MORC1: variants seen among roughly 807,000 people sequenced by gnomAD.
MORC1 encodes MORC family CW-type zinc finger protein 1.
Under a neutral mutation model 134.9 loss-of-function variants are expected in MORC1, and 59 were observed. The ratio of observed to expected loss-of-function variants is 0.44; its 90% CI spans 0.35 to 0.54. The LOEUF (loss-of-function observed/expected upper bound fraction) is 0.54, where lower values mean the gene tolerates loss of function less well. Ranked by LOEUF, MORC1 falls within the 20% of genes least tolerant of loss-of-function variation. MORC1 has a pLI of 0.00. For missense variants in MORC1, 947 were observed against 1,134.5 expected, an observed-to-expected ratio of 0.83 and a Z score of 2.37; for synonymous variants, 395 against 391.7, an observed-to-expected ratio of 1.01 and a Z score of -0.10.
intron 8 of MORC1, among the ~76,000 whole-genome samples, chr3:109,091,604 C>G (rs918625011): frequency 6.6e-6 from 1 of 152,064 alleles, no homozygotes; most frequent in East Asian, 1.9e-4. Context: ...GGCACTGCTA[C>G]CCCCGAGGAG....
chr3:109,010,837 C>A (rs1270052744), intron 17 of MORC1, among the ~76,000 whole-genome samples: 1 of 152,140 alleles, frequency 6.6e-6, no homozygotes, highest in African/African-American at 2.4e-5. Flanking sequence ...ATCAAGAGTG[C>A]ACTCCTTCCT....
chr3:109,017,892 A>G (rs757224115), intron 17 of MORC1, among the ~76,000 whole-genome samples: 7 of 152,224 alleles, frequency 4.6e-5, no homozygotes, highest in South Asian at 2.1e-4. Flanking sequence ...TGAGTTCAGA[A>G]AGTCCCGCAA....
chr3:108,981,422 T>C (rs1947717129), intron 23 of MORC1, among the ~76,000 whole-genome samples: 1 of 152,208 alleles, frequency 6.6e-6, no homozygotes, highest in South Asian at 2.1e-4. Flanking sequence ...TAATGCTTAA[T>C]TGCCTGTTAA....
chr3:108,986,744 G>T (rs1191390699), intron 22 of MORC1, 136 bp downstream of exon 22: 1 of 617,616 alleles, frequency 1.6e-6, no homozygotes, highest in Admixed American at 3.5e-5. Context: ...CTCACTTCTA[G>T]AACAACAAAC....
intron 14 of MORC1, among the ~76,000 whole-genome samples, chr3:109,046,693 A>G (rs570292663): frequency 2.0e-5 from 3 of 152,174 alleles, no homozygotes; most frequent in Non-Finnish European, 2.9e-5. Flanking sequence ...TTTATTTTTA[A>G]TGGATTAGAG....
chr3:109,115,358 CAGAG>C (rs796181546), intron 1 of MORC1, among the ~76,000 whole-genome samples: 135 of 115,390 alleles, frequency 1.2e-3, no homozygotes, highest in African/African-American at 5.9e-3. Flanking sequence ...CACACACACA[CAGAG>C]AGAGAGAATA....
chr3:108,970,350 A>C (rs1204696781), intron 25 of MORC1, among the ~76,000 whole-genome samples: 3 of 152,224 alleles, frequency 2.0e-5, no homozygotes, highest in Admixed American at 2.0e-4. Context: ...AAGGTGCTTC[A>C]AGAAGGTGAA....
At chr3:108,997,656 A>G (rs963064138) in intron 21 of MORC1, among the ~76,000 whole-genome samples, 4 of 152,222 alleles carry the variant, frequency 2.6e-5, no homozygotes, top group Non-Finnish European at 5.9e-5. Context: ...AAAACATAAC[A>G]GTGAGCTACA....
intron 24 of MORC1, among the ~76,000 whole-genome samples, chr3:108,975,399 T>C (rs551379111): frequency 2.2e-4 from 33 of 152,304 alleles, no homozygotes; most frequent in African/African-American, 7.7e-4. Flanking sequence ...TTTTTTTTGG[T>C]ATTTTAAAAA....
chr3:108,979,596 C>T lies in MORC1; in HGVS notation c.2396G>A (p.Ser799Asn), dbSNP rs1305462763. Residue 799 changes from serine (S) to asparagine (N), a missense_variant, in exon 24 of 28, where the codon AGT becomes AAT. Transcript: ENST00000232603. The part of the protein sequence containing the change: ...GHIARVSVSG[S>N]CKVASSPASS... ...CGCTGGCGAAGAAGCAACTTTACAACTGCCACTCACAGAAACTCTGGCTAT... is the reference window on the plus strand; with the variant it reads ...CGCTGGCGAAGAAGCAACTTTACAATTGCCACTCACAGAAACTCTGGCTAT... 1 of 1,614,050 alleles carries T rather than the reference C, an allele frequency of 6.2e-7. No individual in the cohort carries two copies. The highest frequency in any genetic ancestry group is 1.3e-5 in the African/African-American group (1 of 74,930).
intron 17 of MORC1, among the ~76,000 whole-genome samples, chr3:109,025,845 A>G (rs1247419329): frequency 6.6e-6 from 1 of 152,220 alleles, no homozygotes; most frequent in Non-Finnish European, 1.5e-5. Flanking sequence ...AAAAGACTGT[A>G]TAATATCTGA....
rs745396847 is a variant in MORC1, at chr3:109,006,444, A to T, written c.1767+585T>A. 3.4e-4 allele frequency among the ~76,000 whole-genome samples: 52 copies of T among 152,256 alleles called. 1 individual carries two copies. Among genetic ancestry groups the T allele is most frequent in the Non-Finnish European group, 4.4e-5 (3 of 68,046 alleles). On this transcript the variant is annotated intron_variant, in intron 18 of 27. Transcript: ENST00000232603. The stretch of plus-strand genomic sequence containing the variant: ...GCCAAAGATACAAAATACATTATGT[A>T]TATCAGAAATCTATTTATTTAAAGG...
intron 24 of MORC1, among the ~76,000 whole-genome samples, chr3:108,971,999 C>G (rs1947396786): frequency 6.6e-6 from 1 of 152,168 alleles, no homozygotes; most frequent in Non-Finnish European, 1.5e-5. Flanking sequence ...AGTAGGCTGA[C>G]TACAGACTTA....
intron 21 of MORC1, among the ~76,000 whole-genome samples, chr3:108,995,936 C>T (rs991301567): frequency 2.6e-5 from 4 of 152,152 alleles, no homozygotes; most frequent in Non-Finnish European, 4.4e-5. Flanking sequence ...TATTTATGTA[C>T]TTCAACTGAC....
chr3:109,117,331 C>CAAAAAAAA (rs202128565), intron 1 of MORC1, among the ~76,000 whole-genome samples: 17 of 113,616 alleles, frequency 1.5e-4, no homozygotes, highest in Non-Finnish European at 2.0e-4. Context: ...CAAAAGATGT[C>CAAAAAAAA]AAAAAAAAAA....
At chr3:108,972,500 A>G (rs1484169003) in intron 24 of MORC1, among the ~76,000 whole-genome samples, 1 of 152,206 alleles carries the variant, frequency 6.6e-6, no homozygotes, top group East Asian at 1.9e-4. Flanking sequence ...AATTCTTGGC[A>G]TTGCCCAAAC....
intron 20 of MORC1, among the ~76,000 whole-genome samples, chr3:109,003,260 T>TAC (rs1307914941): frequency 1.7e-5 from 2 of 121,118 alleles, no homozygotes; most frequent in African/African-American, 3.5e-5. Flanking sequence ...AGTAAAATTA[T>TAC]ACATATATAT....
At chr3:109,091,567 A>G (rs1950728707) in intron 8 of MORC1, among the ~76,000 whole-genome samples, 1 of 152,168 alleles carries the variant, frequency 6.6e-6, no homozygotes, top group Non-Finnish European at 1.5e-5. Flanking sequence ...AATTAAGGGC[A>G]AATCTTTTAC....
chr3:109,062,047 A>G lies in MORC1; in HGVS notation c.907T>C (p.Leu303=), dbSNP rs115570246. ...TTTACTTTGATTTGTGCTTCTTTCAATATGGATTCAGCTGGAAGTAGAAGC... is the reference window on the plus strand; with the variant it reads ...TTTACTTTGATTTGTGCTTCTTTCAGTATGGATTCAGCTGGAAGTAGAAGC... ...EEAVKIAESI[L]KEAQIKVNQC... Residue 303 remains leucine, a synonymous_variant, in exon 11 of 28, where the codon TTG becomes CTG. Coordinates refer to ENST00000232603, the MANE Select transcript of MORC1 (RefSeq NM_014429.4). 14 of 1,614,030 alleles carry G rather than the reference A, an allele frequency of 8.7e-6. No individual in the cohort carries two copies. The highest frequency in any genetic ancestry group is 6.7e-5 in the East Asian group (3 of 44,858).
Sources: allele counts gnomAD v4.1 joint callset (sites outside exome capture counted in the v4.1 genomes callset), GRCh38; gene constraint gnomAD v4.1.1; transcripts MANE v1.5; gene names NCBI Gene and HGNC (gene_info 2026-07-23, HGNC 2026-07-21).